The following CPEB3 variants were observed in gnomAD, a reference collection of about 807,000 sequenced individuals.
CPEB3 encodes the protein cytoplasmic polyadenylation element-binding protein 3.
Under a neutral mutation model 67.2 loss-of-function variants are expected in CPEB3, and 20 were observed. The ratio of observed to expected loss-of-function variants is 0.30; its 90% CI spans 0.21 to 0.43. The LOEUF is 0.43. Among genes scored for constraint, CPEB3 ranks in the 20% least tolerant of loss-of-function variants. CPEB3 has a pLI of 1.00. For missense variants in CPEB3, 746 were observed against 968.6 expected (o/e 0.77, Z 3.05); for synonymous variants, 376 against 393.1 (o/e 0.96, Z 0.51).
At chr10:92,139,350 GAA>G (rs1028680440) in intron 6 of CPEB3, among the ~76,000 whole-genome samples, 15 of 149,424 alleles carry the variant, frequency 1.0e-4, no homozygotes, top group Non-Finnish European at 2.2e-4. Context: ...ATTCAGCCAC[GAA>G]AAAAAAGAGT....
chr10:92,151,893 T>A (rs1014118386), intron 4 of CPEB3, among the ~76,000 whole-genome samples: 1 of 152,162 alleles, frequency 6.6e-6, no homozygotes, highest in African/African-American at 2.4e-5. Context: ...CATCACCCTA[T>A]CCTAACTATC....
chr10:92,125,570 G>A (rs1356697195), intron 6 of CPEB3, among the ~76,000 whole-genome samples: 1 of 152,184 alleles, frequency 6.6e-6, no homozygotes, highest in Non-Finnish European at 1.5e-5. Flanking sequence ...AGGGTGGACA[G>A]GCATTTTTTG....
chr10:92,224,367 C>T (rs1276077669), intron 2 of CPEB3, among the ~76,000 whole-genome samples: 1 of 152,180 alleles, frequency 6.6e-6, no homozygotes, highest in Non-Finnish European at 1.5e-5. Flanking sequence ...CTATGTTTCT[C>T]AGCTTAAAAA....
chr10:92,230,535 T>G (rs1851218833), intron 2 of CPEB3, among the ~76,000 whole-genome samples: 1 of 152,210 alleles, frequency 6.6e-6, no homozygotes, highest in African/African-American at 2.4e-5. Flanking sequence ...TAGGCTTTAT[T>G]CCAAGATGCT....
intron 2 of CPEB3, among the ~76,000 whole-genome samples, chr10:92,200,097 A>G (rs1299979272): frequency 6.6e-6 from 1 of 152,176 alleles, no homozygotes; most frequent in African/African-American, 2.4e-5. Flanking sequence ...TATCTAACCT[A>G]AAGTCCTAAT....
At chr10:92,099,227 T>G (rs1378355078) in intron 7 of CPEB3, among the ~76,000 whole-genome samples, 5 of 146,602 alleles carry the variant, frequency 3.4e-5, no homozygotes, top group Middle Eastern at 3.4e-3. Flanking sequence ...TTTCGTCTTT[T>G]TTTTTTTTTT....
At chr10:92,116,534 C>G (rs1281526806) in intron 6 of CPEB3, among the ~76,000 whole-genome samples, 1 of 151,630 alleles carries the variant, frequency 6.6e-6, no homozygotes, top group Non-Finnish European at 1.5e-5. Context: ...AACAGAGCTT[C>G]TCTATTAGTT....
intron 9 of CPEB3, among the ~76,000 whole-genome samples, chr10:92,076,064 G>A (rs1842921328): frequency 1.3e-5 from 2 of 152,140 alleles, no homozygotes; most frequent in Admixed American, 6.5e-5. Context: ...TCTGCAGGTG[G>A]CCCACTCCCA....
chr10:92,110,295 A>T (rs1844671542), intron 7 of CPEB3, among the ~76,000 whole-genome samples: 1 of 151,768 alleles, frequency 6.6e-6, no homozygotes, highest in African/African-American at 2.4e-5. Flanking sequence ...TCATATTTTT[A>T]CTCTATTTGC....
chr10:92,192,373 C>T (rs1849020351), intron 3 of CPEB3, 104 bp downstream of exon 3: 2 of 1,182,906 alleles, frequency 1.7e-6, no homozygotes, highest in Non-Finnish European at 2.4e-6. Flanking sequence ...AGAAGCAAAA[C>T]AAAAACAAGC....
chr10:92,137,640 G>T, intron 6 of CPEB3: 2 of 599,888 alleles, frequency 3.3e-6, no homozygotes, highest in South Asian at 3.7e-5. Flanking sequence ...TGAGCACACT[G>T]TGTGGCTTGT....
rs1028100325 is a variant in CPEB3 at position 92,048,550 on chromosome 10, C to CGTGACATCCCTAGAGAACTGCACT, written c.*3638_*3661dup. Reference sequence around the variant, plus strand: ...TGCACCTGGTGTTGTATAAATCCACCGTGACATCCCTAGAGAACTGCACTG... The same window carrying CGTGACATCCCTAGAGAACTGCACT: ...TGCACCTGGTGTTGTATAAATCCACCGTGACATCCCTAGAGAACTGCACTGTGACATCCCTAGAGAACTGCACTG... On this transcript the variant is annotated 3_prime_UTR_variant, in exon 10 of 10. Transcript: ENST00000265997. This position sits in a 1 kb window ranked among gnomAD's most constrained non-coding sequence, Gnocchi z 4.1. 2 of 152,474 alleles carry CGTGACATCCCTAGAGAACTGCACT rather than the reference C, an allele frequency of 1.3e-5. No homozygotes were observed. Among genetic ancestry groups the CGTGACATCCCTAGAGAACTGCACT allele is most frequent in the African/African-American group, 4.8e-5 (2 of 41,392 alleles). 9.4% of individuals were successfully genotyped at this position (152,474 alleles called of 1,614,324 possible).
At chr10:92,196,950 G>A (rs1401782921) in intron 2 of CPEB3, among the ~76,000 whole-genome samples, 1 of 151,526 alleles carries the variant, frequency 6.6e-6, no homozygotes, top group African/African-American at 2.4e-5. Flanking sequence ...AAAAAGGGTA[G>A]GGGATAATTC....
At chr10:92,186,381 C>A (rs1000615526) in intron 3 of CPEB3, among the ~76,000 whole-genome samples, 2 of 151,670 alleles carry the variant, frequency 1.3e-5, no homozygotes, top group African/African-American at 4.9e-5. Context: ...CACAGCGAGA[C>A]CCTGTCTCAA....
intron 1 of CPEB3, among the ~76,000 whole-genome samples, chr10:92,280,367 A>AAAAAAAAG (rs1842216508): frequency 7.7e-6 from 1 of 129,356 alleles, no homozygotes; most frequent in Non-Finnish European, 1.6e-5. Flanking sequence ...AAAAAAAAAA[A>AAAAAAAAG]AGAGAGAGAG....
intron 6 of CPEB3, among the ~76,000 whole-genome samples, chr10:92,134,766 C>T (rs1024151644): frequency 2.0e-5 from 3 of 152,046 alleles, no homozygotes; most frequent in Middle Eastern, 6.8e-3. Context: ...TCAAACTATA[C>T]TACAAGGCTA....
chr10:92,282,192 G>A (rs939480029), intron 1 of CPEB3, among the ~76,000 whole-genome samples: 3 of 152,104 alleles, frequency 2.0e-5, no homozygotes, highest in African/African-American at 4.8e-5. Context: ...AAAGTAATGG[G>A]TCTCCCACCA....
rs200886183 is a variant in CPEB3, at chr10:92,066,003, G to A, written c.1870-13564C>T. Among the ~76,000 whole-genome samples, 11 of 151,940 alleles carry A rather than the reference G, an allele frequency of 7.2e-5. No individual in the cohort carries two copies. The East Asian group carries it at 2.1e-3, about 29-fold the overall frequency. Reference sequence around the variant, plus strand: ...TTCCAGCTACTCGGGAGGCTGAGGTGTGAGAATCACTTGAGTCTGGAAGGC... The same window carrying A: ...TTCCAGCTACTCGGGAGGCTGAGGTATGAGAATCACTTGAGTCTGGAAGGC... On this transcript the variant is annotated intron_variant, in intron 9 of 9. Coordinates refer to ENST00000265997, the MANE Select transcript of CPEB3 (RefSeq NM_014912.5).
At chr10:92,145,689 CT>C (rs1159920412) in intron 4 of CPEB3, among the ~76,000 whole-genome samples, 20 of 150,738 alleles carry the variant, frequency 1.3e-4, no homozygotes, top group Admixed American at 7.3e-4. Flanking sequence ...TAAAAAATCA[CT>C]GCATTTTACT....
Sources: allele counts gnomAD v4.1 joint callset (sites outside exome capture counted in the v4.1 genomes callset), GRCh38; gene constraint gnomAD v4.1.1; non-coding constraint Gnocchi (gnomAD v3.1); transcripts MANE v1.5; gene names NCBI Gene and HGNC (gene_info 2026-07-23, HGNC 2026-07-21).